The following RDH10 variants were observed in gnomAD, a reference collection of about 807,000 sequenced individuals.
RDH10 encodes the protein retinol dehydrogenase 10, also known as retinol dehydrogenase 10 (all-trans).
Under a neutral mutation model 30.2 loss-of-function variants are expected in RDH10, and 12 were observed. That is an observed-to-expected ratio of 0.40 (90% CI 0.25 to 0.64). The LOEUF is 0.64. Ranked by LOEUF, RDH10 falls within the 30% of genes least tolerant of loss-of-function variation. RDH10 has a pLI of 0.43. For synonymous variants in RDH10, 189 were observed against 172.2 expected, an observed-to-expected ratio of 1.10 and a Z score of -0.76; for missense variants, 268 against 445.2, an observed-to-expected ratio of 0.60 and a Z score of 3.58.
intron 2 of RDH10, among the ~76,000 whole-genome samples, chr8:73,301,682 G>A (rs762334771): frequency 1.1e-4 from 17 of 152,116 alleles, no homozygotes; most frequent in Non-Finnish European, 2.1e-4. Context: ...TTTGAACCCG[G>A]GAGGCCGAAG....
chr8:73,295,678 T>G, intron 1 of RDH10, 100 bp downstream of exon 1: 1 of 1,227,836 alleles, frequency 8.1e-7, no homozygotes, highest in Non-Finnish European at 1.1e-6. Flanking sequence ...TCAGCCCCGC[T>G]GTGGAGGAAA....
Position 73,309,209 on chromosome 8 carries a change from C to G in RDH10, c.526-9887C>G, listed in dbSNP as rs1394951922. 2.0e-5 allele frequency among the ~76,000 whole-genome samples: 3 copies of G among 152,254 alleles called. No homozygotes were observed. The East Asian group carries it at 5.8e-4, about 29-fold the overall frequency. On this transcript the variant is annotated intron_variant, in intron 2 of 5. Coordinates refer to ENST00000240285, the MANE Select transcript of RDH10 (RefSeq NM_172037.5). ...TTAAATTTTGATTCAGGTCCAGTGT[C>G]TGAATGGTTGCTCTGCCCAGGGTGG...
Position 73,295,205 on chromosome 8 carries a change from C to G in RDH10, c.-85C>G, listed in dbSNP as rs1354087616. On this transcript the variant is annotated 5_prime_UTR_variant, in exon 1 of 6. Coordinates refer to ENST00000240285, the MANE Select transcript of RDH10 (RefSeq NM_172037.5). The stretch of plus-strand genomic sequence containing the variant: ...TTCTCGTCCCGGCCTCTGTGACAAG[C>G]GCCCCGGAGCCGGGAGCCCGATTGC... The G allele has an allele frequency of 3.1e-6, 4 of 1,303,062 alleles. No individual in the cohort carries two copies. In the African/African-American group the frequency reaches 6.3e-5, roughly 20 times the overall value. The allele number at this position is 1,303,062 out of a possible 1,614,324, so 80.7% of individuals were successfully genotyped here.
At chr8:73,299,959 A>G (rs1814346136) in intron 2 of RDH10, among the ~76,000 whole-genome samples, 1 of 152,222 alleles carries the variant, frequency 6.6e-6, no homozygotes, top group African/African-American at 2.4e-5. Context: ...CTCTAAATAG[A>G]AAAATTATTC....
At chr8:73,296,221 T>G (rs1374969749) in intron 1 of RDH10, among the ~76,000 whole-genome samples, 1 of 152,168 alleles carries the variant, frequency 6.6e-6, no homozygotes, top group Non-Finnish European at 1.5e-5. Context: ...TGAATACTTA[T>G]TAACTAACCT....
At chr8:73,315,338 G>A (rs957068284) in intron 2 of RDH10, 1 of 192,726 alleles carries the variant, frequency 5.2e-6, no homozygotes, top group Non-Finnish European at 1.1e-5. Context: ...AGACAATTTG[G>A]GGGTGGGGGG....
intron 2 of RDH10, among the ~76,000 whole-genome samples, chr8:73,305,341 T>G (rs1336037486): frequency 6.6e-6 from 1 of 152,256 alleles, no homozygotes; most frequent in African/African-American, 2.4e-5. Context: ...TGAGAAAATT[T>G]AATAGCCTCA....
Position 73,324,586 on chromosome 8 carries a change from TATC to T in RDH10, c.*1552_*1554del, listed in dbSNP as rs1814835906. On this transcript the variant is annotated 3_prime_UTR_variant, in exon 6 of 6. Coordinates refer to ENST00000240285, the MANE Select transcript of RDH10 (RefSeq NM_172037.5). ...TACATGCAATTGTGTGATTATTAGTTATCAGCAGTGTTGTAAGGAAAATTATTG... is the reference window on the plus strand; with the variant it reads ...TACATGCAATTGTGTGATTATTAGTTAGCAGTGTTGTAAGGAAAATTATTG... The T allele has an allele frequency of 6.6e-6, 1 of 152,360 alleles. No homozygotes were observed. The highest frequency in any genetic ancestry group is 2.1e-4 in the South Asian group (1 of 4,836). 9.4% of individuals were successfully genotyped at this position (152,360 alleles called of 1,614,324 possible).
chr8:73,315,869 C>T (rs1814653699), intron 2 of RDH10, among the ~76,000 whole-genome samples: 1 of 152,182 alleles, frequency 6.6e-6, no homozygotes, highest in Admixed American at 6.5e-5. Context: ...AAGTTTATTG[C>T]TGTCTTCCAA....
intron 2 of RDH10, chr8:73,313,267 G>A (rs543833876): frequency 3.3e-4 from 50 of 152,312 alleles, no homozygotes; most frequent in African/African-American, 1.2e-3. Flanking sequence ...AAGATTTCTC[G>A]AGCTATGACA....
chr8:73,315,665 T>C (rs1277849886), intron 2 of RDH10: 1 of 442,790 alleles, frequency 2.3e-6, no homozygotes, highest in Admixed American at 2.4e-5. Context: ...CCTGCTATGG[T>C]GTCTGAGTTT....
chr8:73,321,229 A>G, intron 4 of RDH10, 152 bp downstream of exon 4: 1 of 746,494 alleles, frequency 1.3e-6, no homozygotes, highest in Non-Finnish European at 2.1e-6. Flanking sequence ...AAATTGGTGT[A>G]TAAGATTTGC....
chr8:73,320,583 G>T (rs537813461), intron 3 of RDH10, among the ~76,000 whole-genome samples: 8 of 151,570 alleles, frequency 5.3e-5, no homozygotes, highest in Admixed American at 2.0e-4. Flanking sequence ...CAATTCTCCT[G>T]CCTCAGCCTC....
At chr8:73,303,455 C>A (rs1814415763) in intron 2 of RDH10, among the ~76,000 whole-genome samples, 1 of 152,126 alleles carries the variant, frequency 6.6e-6, no homozygotes, top group Non-Finnish European at 1.5e-5. Flanking sequence ...AACTGTAAGA[C>A]TAATTAGTTT....
chr8:73,297,670 C>A, intron 2 of RDH10: 1 of 391,704 alleles, frequency 2.6e-6, no homozygotes, highest in Non-Finnish European at 4.5e-6. Context: ...ACATTTTGAA[C>A]TAGTTTGAAA....
At position 73,294,763 on chromosome 8, in the gene RDH10, C is replaced by T. The variant is rs945434616; in HGVS notation, c.-527C>T. The T allele has an allele frequency of 5.5e-6, 2 of 362,584 alleles. No homozygotes were observed. The highest frequency in any genetic ancestry group is 7.3e-4 in the Middle Eastern group (1 of 1,374). 22.5% of individuals were successfully genotyped at this position (362,584 alleles called of 1,614,324 possible). A position where few individuals can be genotyped will look rare whatever the true frequency, so the allele number is the denominator to read the frequency against. ...CTGCGCCGAGCGAGTCTCCCCTTCC[C>T]GGCGCTCCGCCGCCCCGCACCCCAC... On this transcript the variant is annotated 5_prime_UTR_variant, in exon 1 of 6. Transcript: ENST00000240285.
At chr8:73,319,007 T>C (rs1289618975) in intron 2 of RDH10, 89 bp from the exon 3 acceptor site, 1 of 757,780 alleles carries the variant, frequency 1.3e-6, no homozygotes, top group Non-Finnish European at 2.2e-6. Context: ...AAACATCATG[T>C]GAATAAAAGT....
At chr8:73,297,469 T>G (rs751481779) in intron 2 of RDH10, 40 bp downstream of exon 2, 5 of 1,428,652 alleles carry the variant, frequency 3.5e-6, no homozygotes, top group East Asian at 2.3e-5. Flanking sequence ...TGGGCCCTCC[T>G]TAATGAGAAG....
At chr8:73,314,569 G>A (rs1171297753) in intron 2 of RDH10, among the ~76,000 whole-genome samples, 1 of 152,176 alleles carries the variant, frequency 6.6e-6, no homozygotes, top group Non-Finnish European at 1.5e-5. Flanking sequence ...AACCCGAGTG[G>A]TCCTGATGTG....
Sources: allele counts gnomAD v4.1 joint callset (sites outside exome capture counted in the v4.1 genomes callset), GRCh38; gene constraint gnomAD v4.1.1; transcripts MANE v1.5; gene names NCBI Gene and HGNC (gene_info 2026-07-23, HGNC 2026-07-21).